NRXN3: variants seen among roughly 807,000 people sequenced by gnomAD.
NRXN3 encodes neurexin III.
In NRXN3, 32 loss-of-function variants were observed where a neutral mutation model predicts 137.6. The ratio of observed to expected loss-of-function variants is 0.23; its 90% CI spans 0.18 to 0.31. The LOEUF is 0.31. NRXN3 is among the 10% of genes least tolerant of loss of function. The pLI, the probability that NRXN3 is intolerant of heterozygous loss-of-function variation, is 1.00. For synonymous variants in NRXN3, 798 were observed against 784.5 expected (o/e 1.02, Z -0.29); for missense variants, 1,574 against 2,062.5 (o/e 0.76, Z 4.59).
intron 15 of NRXN3, among the ~76,000 whole-genome samples, chr14:79,295,139 T>C (rs1209949503): frequency 6.6e-5 from 10 of 152,124 alleles, no homozygotes; most frequent in Non-Finnish European, 1.3e-4. Context: ...CCTCCTAACA[T>C]ATTTGACTAC....
chr14:79,054,535 G>A (rs1313254007), intron 15 of NRXN3, among the ~76,000 whole-genome samples: 1 of 152,136 alleles, frequency 6.6e-6, no homozygotes, highest in African/African-American at 2.4e-5. Context: ...TTGGGGATTT[G>A]CTCTCTGTGC....
intron 15 of NRXN3, among the ~76,000 whole-genome samples, chr14:79,332,886 A>G (rs2091885375): frequency 6.6e-6 from 1 of 152,172 alleles, no homozygotes; most frequent in African/African-American, 2.4e-5. Flanking sequence ...GGAAATACTA[A>G]GTGGGGTGCC....
At chr14:79,180,554 A>C (rs1186252855) in intron 15 of NRXN3, among the ~76,000 whole-genome samples, 1 of 152,070 alleles carries the variant, frequency 6.6e-6, no homozygotes, top group Non-Finnish European at 1.5e-5. Context: ...TTGCATTCTT[A>C]ATTAACTGCT....
chr14:78,626,463 A>G (rs1047338410), intron 4 of NRXN3, among the ~76,000 whole-genome samples: 9 of 152,260 alleles, frequency 5.9e-5, no homozygotes, highest in Admixed American at 2.0e-4. Context: ...CAAAATACAT[A>G]TAAAGAATTT....
At chr14:78,384,681 C>T (rs2089671764) in intron 4 of NRXN3, among the ~76,000 whole-genome samples, 1 of 152,122 alleles carries the variant, frequency 6.6e-6, no homozygotes, top group South Asian at 2.1e-4. Context: ...TCCCCAGATT[C>T]CCTTGCCTTT....
chr14:78,851,587 C>T (rs920303525), intron 10 of NRXN3, among the ~76,000 whole-genome samples: 41 of 152,278 alleles, frequency 2.7e-4, no homozygotes, highest in African/African-American at 8.4e-4. Flanking sequence ...AAAAAGTGTG[C>T]TTACCACAGG....
chr14:79,437,415 TA>T lies in NRXN3; in HGVS notation c.3263-29792del, dbSNP rs1224944515. Among the ~76,000 whole-genome samples the T allele has an allele frequency of 4.8e-3, 660 of 136,692 alleles. 1 individual carries two copies. The highest frequency in any genetic ancestry group is 5.4e-3 in the Admixed American group (74 of 13,652). 89.7% of individuals were successfully genotyped at this position (136,692 alleles called of 152,430 possible). A position where few individuals can be genotyped will look rare whatever the true frequency, so the allele number is the denominator to read the frequency against. On this transcript the variant is annotated intron_variant, in intron 15 of 20. Coordinates refer to ENST00000335750, the MANE Select transcript of NRXN3 (RefSeq NM_001330195.2). ...CATGTTAATCCTGAAATGTGCGTTC[TA>T]AAAAAAAAAAAAAGCTCCATCTGAG...
chr14:79,674,448 C>T (rs1234291357), intron 17 of NRXN3, among the ~76,000 whole-genome samples: 4 of 151,988 alleles, frequency 2.6e-5, no homozygotes, highest in Non-Finnish European at 5.9e-5. Context: ...ATTAATCTCC[C>T]TCATTTACAG....
chr14:78,591,721 G>C (rs974776241), intron 4 of NRXN3, among the ~76,000 whole-genome samples: 2 of 152,148 alleles, frequency 1.3e-5, no homozygotes, highest in African/African-American at 2.4e-5. Flanking sequence ...CTGTACATGG[G>C]TTGTTTGACC....
intron 10 of NRXN3, among the ~76,000 whole-genome samples, chr14:78,876,373 A>G (rs2099113877): frequency 6.6e-6 from 1 of 152,214 alleles, no homozygotes; most frequent in South Asian, 2.1e-4. Flanking sequence ...AAAGAAAAAA[A>G]GCAGATTTCT....
At chr14:78,527,622 A>G (rs1299709687) in intron 4 of NRXN3, among the ~76,000 whole-genome samples, 1 of 152,176 alleles carries the variant, frequency 6.6e-6, no homozygotes, top group Non-Finnish European at 1.5e-5. Context: ...CTAAGCTCCA[A>G]TTTTTTATGA....
intron 15 of NRXN3, among the ~76,000 whole-genome samples, chr14:79,040,528 T>C (rs1408735015): frequency 6.6e-6 from 1 of 152,110 alleles, no homozygotes; most frequent in African/African-American, 2.4e-5. Context: ...ATAAAGATAG[T>C]GGGGAAAGCA....
chr14:78,821,013 G>A (rs996351785), intron 10 of NRXN3, among the ~76,000 whole-genome samples: 1 of 152,048 alleles, frequency 6.6e-6, no homozygotes, highest in East Asian at 1.9e-4. Flanking sequence ...TGAATGGTAG[G>A]CATGAACCTT....
chr14:78,251,671 G>A (rs1386123462), intron 2 of NRXN3, among the ~76,000 whole-genome samples: 1 of 152,334 alleles, frequency 6.6e-6, no homozygotes, highest in Non-Finnish European at 1.5e-5. Flanking sequence ...GGGAATATAG[G>A]AATGTCATTT....
rs2098336956 is a variant in NRXN3, at chr14:78,705,453, A to C, written c.1222-3764A>C. On this transcript the variant is annotated intron_variant, in intron 6 of 20. Transcript: ENST00000335750. ...CAATGGAGAGTCCCAGTTGAGCATC[A>C]CTGGGCTACAAGTCCCTTGCCCTCC... Among the ~76,000 whole-genome samples, 3 of 152,166 alleles carry C rather than the reference A, an allele frequency of 2.0e-5. No individual in the cohort carries two copies. In the South Asian group the frequency reaches 6.2e-4, roughly 31 times the overall value.
chr14:79,628,018 TA>T (rs558856770), intron 16 of NRXN3, among the ~76,000 whole-genome samples: 210 of 152,068 alleles, frequency 1.4e-3, no homozygotes, highest in South Asian at 6.0e-3. Flanking sequence ...AAGATTAAAA[TA>T]AAAAAAGGTT....
intron 10 of NRXN3, among the ~76,000 whole-genome samples, chr14:78,954,735 G>T (rs960148635): frequency 6.6e-6 from 1 of 150,658 alleles, no homozygotes; most frequent in Non-Finnish European, 1.5e-5. Context: ...AAAGTTCTGG[G>T]ATTACAGGCG....
chr14:79,419,444 A>T (rs772819916), intron 15 of NRXN3, among the ~76,000 whole-genome samples: 12 of 152,210 alleles, frequency 7.9e-5, no homozygotes, highest in Middle Eastern at 3.2e-3. Flanking sequence ...TCTGTGCTAA[A>T]AATGCAAAAG....
At chr14:79,502,794 A>G (rs2096838488) in intron 16 of NRXN3, among the ~76,000 whole-genome samples, 1 of 151,976 alleles carries the variant, frequency 6.6e-6, no homozygotes, top group Non-Finnish European at 1.5e-5. Context: ...GCACACTGCT[A>G]ACATCCTTCT....
Sources: gnomAD v4.1 joint callset for allele counts (sites outside exome capture counted in the v4.1 genomes callset) on GRCh38, gnomAD v4.1.1 for gene constraint, MANE v1.5 for transcripts, NCBI Gene and HGNC (gene_info 2026-07-23, HGNC 2026-07-21) for gene names.